BDP1: variants seen among roughly 807,000 people sequenced by gnomAD.
The protein encoded by BDP1 is transcription factor TFIIIB component B'' homolog.
BDP1 carries 169 observed loss-of-function variants against 266.6 expected under a neutral mutation model. The observed-to-expected ratio is 0.63, with a 90% CI of 0.56 to 0.72. The LOEUF is 0.72. BDP1 is among the 30% of genes least tolerant of loss of function. The pLI, the probability that BDP1 is intolerant of heterozygous loss-of-function variation, is 0.00. For synonymous variants in BDP1, 1,090 were observed against 1,022.4 expected, an observed-to-expected ratio of 1.07 and a Z score of -1.26; for missense variants, 3,015 against 3,053.8, an observed-to-expected ratio of 0.99 and a Z score of 0.30.
At chr5:71,458,372 A>G (rs1325774022) in intron 1 of BDP1, among the ~76,000 whole-genome samples, 2 of 151,888 alleles carry the variant, frequency 1.3e-5, no homozygotes, top group East Asian at 3.9e-4. Flanking sequence ...AAAAAGATTA[A>G]GAGTCTATTA....
At position 71,549,551 on chromosome 5, in the gene BDP1, C is replaced by G. The variant is rs1044746524; in HGVS notation, c.6940C>G (p.Leu2314Val). The change falls in exon 34 of 39, where the codon CTG becomes GTG. Residue 2314 changes from leucine to valine, a missense_variant. Leu to Val is a conservative substitution (Grantham distance 32). Transcript: ENST00000358731. ...ATAQFMPNPLLPAPILVKSVN... is the reference protein window; with the variant it reads ...ATAQFMPNPLVPAPILVKSVN... ...TGCACAGTTCATGCCAAACCCTTTA[C>G]TGCCAGCTCCCATATTGGTCAAATC... 1 of 1,613,602 alleles carries G rather than the reference C, an allele frequency of 6.2e-7. No individual in the cohort carries two copies. The highest frequency in any genetic ancestry group is 8.5e-7 in the Non-Finnish European group (1 of 1,179,828).
intron 7 of BDP1, among the ~76,000 whole-genome samples, chr5:71,482,787 A>T (rs1476304822): frequency 6.6e-6 from 1 of 152,210 alleles, no homozygotes; most frequent in Non-Finnish European, 1.5e-5. Flanking sequence ...GAAATGTTTA[A>T]ATAACAGTAT....
At chr5:71,496,780 A>G (rs1202863786) in intron 12 of BDP1, among the ~76,000 whole-genome samples, 1 of 152,096 alleles carries the variant, frequency 6.6e-6, no homozygotes, top group Non-Finnish European at 1.5e-5. Context: ...ACGGGGTTTC[A>G]CCATGTTTGC....
In BDP1 at chr5:71,497,380, C is replaced by T. The variant is rs1356373294; in HGVS notation, c.1910C>T (p.Thr637Ile). 3 of 1,613,524 alleles carry T rather than the reference C, an allele frequency of 1.9e-6. No homozygotes were observed. In the East Asian group the frequency reaches 6.7e-5, roughly 36 times the overall value. The change falls in exon 13 of 39, where the codon ACA (threonine) becomes ATA (isoleucine). Residue 637 changes from threonine (T) to isoleucine (I), a missense_variant. This residue lies in a region of BDP1 where 2,383 missense variants were observed against 2,404.9 expected (regional missense o/e 0.99). Coordinates refer to ENST00000358731, the MANE Select transcript of BDP1 (RefSeq NM_018429.3). Reference protein sequence around the residue: ...GKKSVLSQGKTESESKNSHSK... With the variant: ...GKKSVLSQGKIESESKNSHSK... ...AAATCAGTTCTTTCACAAGGCAAAA[C>T]AGAGTCAGAGAGCAAGAATTCACAT...
chr5:71,486,529 A>G lies in BDP1; in HGVS notation c.1115A>G (p.Gln372Arg), dbSNP rs1296054514. 2 of 1,545,610 alleles carry G rather than the reference A, an allele frequency of 1.3e-6. No homozygotes were observed. Among genetic ancestry groups the G allele is most frequent in the East Asian group, 2.5e-5 (1 of 39,724 alleles). The change falls in exon 9 of 39, where the codon CAG becomes CGG. Residue 372 changes from glutamine to arginine, a missense_variant. By Grantham distance (43) the Gln-to-Arg change is conservative. This residue lies in a region of BDP1 where 2,383 missense variants were observed against 2,404.9 expected (regional missense o/e 0.99). Coordinates refer to ENST00000358731, the MANE Select transcript of BDP1 (RefSeq NM_018429.3). ...TTCGATTTTTTTGCTCATTTGCTTC[A>G]GAAAGTTCTTGCTGAAGAAGAGAAA... ...FDFDFFAHLL[Q>R]KVLAEEEKRK...
intron 30 of BDP1, among the ~76,000 whole-genome samples, chr5:71,543,320 C>T (rs1295907866): frequency 2.0e-5 from 3 of 152,098 alleles, no homozygotes; most frequent in Admixed American, 1.3e-4. Context: ...AGGCTGGGCA[C>T]GGTGGTGGTG....
At chr5:71,502,194 T>A (rs1764287892) in intron 14 of BDP1, among the ~76,000 whole-genome samples, 1 of 150,982 alleles carries the variant, frequency 6.6e-6, no homozygotes, top group African/African-American at 2.4e-5. Flanking sequence ...TCTCTCTTTT[T>A]TTTTTTTTTT....
At chr5:71,489,148 T>C (rs575731909) in intron 9 of BDP1, among the ~76,000 whole-genome samples, 2 of 152,342 alleles carry the variant, frequency 1.3e-5, no homozygotes, top group South Asian at 4.1e-4. Flanking sequence ...TATCTTGTTC[T>C]GCTTGGTTTT....
intron 13 of BDP1, among the ~76,000 whole-genome samples, chr5:71,498,637 T>C (rs1470231232): frequency 6.6e-6 from 1 of 151,608 alleles, no homozygotes; most frequent in Non-Finnish European, 1.5e-5. Flanking sequence ...TTGGCCAGGC[T>C]GGTCTCGAAC....
intron 7 of BDP1, among the ~76,000 whole-genome samples, chr5:71,471,356 G>A (rs943257952): frequency 7.2e-5 from 11 of 151,982 alleles, no homozygotes; most frequent in African/African-American, 2.7e-4. Flanking sequence ...TCGTCAGCCT[G>A]GTCTTGAACT....
At chr5:71,509,349 T>C in intron 16 of BDP1, 116 bp from the exon 17 acceptor site, 3 of 1,228,796 alleles carry the variant, frequency 2.4e-6, no homozygotes, top group Non-Finnish European at 3.3e-6. Flanking sequence ...TAGGCCTTCC[T>C]TAATTTTTTT....
chr5:71,539,453 GGAATCT>G (rs1351008903), intron 27 of BDP1, 98 bp from the exon 28 acceptor site: 1 of 796,188 alleles, frequency 1.3e-6, no homozygotes, highest in East Asian at 2.6e-5. Context: ...AGAGGATATT[GGAATCT>G]GCTCCTAGGA....
At chr5:71,521,785 C>G (rs1376878656) in intron 22 of BDP1, among the ~76,000 whole-genome samples, 2 of 152,148 alleles carry the variant, frequency 1.3e-5, no homozygotes, top group Non-Finnish European at 2.9e-5. Flanking sequence ...TCAGTAAACC[C>G]TTTTTAGTGA....
chr5:71,573,371 C>T, the BDP1 span, among the ~76,000 whole-genome samples: 2 of 152,302 alleles, frequency 1.3e-5, no homozygotes, highest in African/African-American at 2.4e-5. Context: ...AATAATTTTA[C>T]GCTCTGCTGC....
intron 21 of BDP1, 26 bp downstream of exon 21, chr5:71,516,297 T>G: frequency 6.4e-7 from 1 of 1,569,316 alleles, no homozygotes; most frequent in South Asian, 1.1e-5. Context: ...GTAATTAAAT[T>G]TAGCCTTTTA....
At chr5:71,576,495 G>C in the BDP1 span, among the ~76,000 whole-genome samples, 2 of 152,186 alleles carry the variant, frequency 1.3e-5, no homozygotes, top group Non-Finnish European at 2.9e-5. Context: ...AATGTAACCG[G>C]TGTGCTAACC....
intron 35 of BDP1, among the ~76,000 whole-genome samples, chr5:71,554,170 A>C (rs920631314): frequency 6.6e-6 from 1 of 152,230 alleles, no homozygotes; most frequent in African/African-American, 2.4e-5. Context: ...ATATTTGGTG[A>C]GTAAAAAAAT....
At chr5:71,515,434 C>G (rs955095689) in intron 20 of BDP1, among the ~76,000 whole-genome samples, 1 of 152,052 alleles carries the variant, frequency 6.6e-6, no homozygotes, top group Non-Finnish European at 1.5e-5. Flanking sequence ...TGAGAGCTGA[C>G]ATGATGCTCA....
Position 71,516,134 on chromosome 5 carries a change from C to T in BDP1, c.4723C>T (p.Arg1575Ter), listed in dbSNP as rs1229991535. The T allele has an allele frequency of 5.6e-6, 9 of 1,612,468 alleles. No individual in the cohort carries two copies. Among genetic ancestry groups the T allele is most frequent in the East Asian group, 2.2e-5 (1 of 44,792 alleles). The change falls in exon 21 of 39, where the codon CGA (arginine) becomes TGA (stop). Residue 1575 changes from arginine (R) to a stop codon, truncating the protein, a stop_gained. Transcript: ENST00000358731. LOFTEE classifies it high-confidence loss of function. ...VIQTARQVRG[R>*]LQRPRPNIRK... ...CCAAACTGCTCGACAAGTAAGGGGC[C>T]GACTTCAGAGACCGAGACCAAATAT... is the stretch of plus-strand genomic sequence containing the variant.
Sources: gnomAD v4.1 joint callset for allele counts (sites outside exome capture counted in the v4.1 genomes callset) on GRCh38, gnomAD v4.1.1 for gene constraint, gnomAD v4.1.1 regional missense constraint, MANE v1.5 for transcripts, NCBI Gene and HGNC (gene_info 2026-07-23, HGNC 2026-07-21) for gene names.